LAMA2: variants seen among roughly 807,000 people sequenced by gnomAD.
LAMA2 encodes laminin subunit alpha-2.
Under a neutral mutation model 364.8 loss-of-function variants are expected in LAMA2, and 269 were observed. The ratio of observed to expected loss-of-function variants is 0.74; its 90% CI spans 0.67 to 0.82. The LOEUF (loss-of-function observed/expected upper bound fraction) is 0.82, where lower values mean the gene tolerates loss of function less well. Among genes scored for constraint, LAMA2 ranks in the 40% least tolerant of loss-of-function variants. The pLI, the probability that LAMA2 is intolerant of heterozygous loss-of-function variation, is 0.00. For missense variants in LAMA2, 3,807 were observed against 3,873.2 expected (o/e 0.98, Z 0.45); for synonymous variants, 1,379 against 1,370.6 (o/e 1.01, Z -0.14).
At chr6:129,474,889 C>A (rs1200801287) in intron 52 of LAMA2, among the ~76,000 whole-genome samples, 1 of 152,066 alleles carries the variant, frequency 6.6e-6, no homozygotes, top group Non-Finnish European at 1.5e-5. Context: ...TCAAAACAGC[C>A]ATTAGAGGTA....
intron 1 of LAMA2, among the ~76,000 whole-genome samples, chr6:128,977,168 C>CT (rs1290591926): frequency 6.6e-6 from 1 of 151,496 alleles, no homozygotes; most frequent in Non-Finnish European, 1.5e-5. Context: ...GCCACCTCTT[C>CT]TTAATACATA....
Position 129,252,081 on chromosome 6 carries a change from T to C in LAMA2, c.1885-3T>C. On this transcript the variant is annotated splice_polypyrimidine_tract_variant and splice_region_variant and intron_variant, in intron 13 of 64. Transcript: ENST00000421865. The stretch of plus-strand genomic sequence containing the variant: ...TTTTTATTTCTTTTTTTTCCCCCTT[T>C]AGGGTAATGACTTGAGCATCAGCAC... The C allele has an allele frequency of 2.5e-6, 4 of 1,607,206 alleles. No individual in the cohort carries two copies. Among genetic ancestry groups the C allele is most frequent in the Non-Finnish European group, 3.4e-6 (4 of 1,174,194 alleles).
intron 8 of LAMA2, among the ~76,000 whole-genome samples, chr6:129,163,185 C>T (rs966714565): frequency 6.6e-5 from 10 of 152,014 alleles, no homozygotes; most frequent in Non-Finnish European, 1.5e-4. Context: ...TTCTAGGACT[C>T]CAGCTGCATG....
At chr6:129,117,669 C>G (rs1776554656) in intron 4 of LAMA2, among the ~76,000 whole-genome samples, 1 of 152,170 alleles carries the variant, frequency 6.6e-6, no homozygotes, top group African/African-American at 2.4e-5. Context: ...TTCTAGCATA[C>G]AGTTTGAGTG....
intron 56 of LAMA2, among the ~76,000 whole-genome samples, chr6:129,491,574 G>A (rs73776184): frequency 0.024 from 3,640 of 152,262 alleles, 80 homozygotes; most frequent in African/African-American, 0.057. Context: ...ACCCTTATAC[G>A]GTTAGACATT....
intron 4 of LAMA2, among the ~76,000 whole-genome samples, chr6:129,137,850 A>G (rs917846446): frequency 2.6e-5 from 4 of 152,244 alleles, no homozygotes; most frequent in Non-Finnish European, 5.9e-5. Context: ...AAGAAAATGT[A>G]TAACCTCATT....
intron 41 of LAMA2, among the ~76,000 whole-genome samples, chr6:129,437,529 TG>T: frequency 6.6e-6 from 1 of 152,060 alleles, no homozygotes; most frequent in South Asian, 2.1e-4. Flanking sequence ...TGTATTTACA[TG>T]TTGCATTTCT....
At chr6:129,224,627 G>C (rs939426439) in intron 12 of LAMA2, among the ~76,000 whole-genome samples, 1 of 151,566 alleles carries the variant, frequency 6.6e-6, no homozygotes, top group Non-Finnish European at 1.5e-5. Flanking sequence ...TTTATATGCT[G>C]GATTACGTTT....
intron 1 of LAMA2, among the ~76,000 whole-genome samples, chr6:128,982,220 T>C (rs994849900): frequency 2.6e-5 from 4 of 152,228 alleles, no homozygotes; most frequent in Non-Finnish European, 4.4e-5. Flanking sequence ...GAGATAAAAC[T>C]AACCTGCATT....
chr6:129,424,682 C>G (rs1378565258), intron 40 of LAMA2, among the ~76,000 whole-genome samples: 1 of 151,918 alleles, frequency 6.6e-6, no homozygotes, highest in African/African-American at 2.4e-5. Context: ...GTTAGAATGT[C>G]TAAAATTTTA....
At chr6:129,355,549 T>A (rs1186802596) in intron 32 of LAMA2, among the ~76,000 whole-genome samples, 2 of 152,174 alleles carry the variant, frequency 1.3e-5, no homozygotes, top group Non-Finnish European at 2.9e-5. Context: ...GGGTGTTTGA[T>A]CTGCAGGACC....
intron 15 of LAMA2, among the ~76,000 whole-genome samples, chr6:129,263,733 G>T (rs991393079): frequency 2.0e-5 from 3 of 151,920 alleles, no homozygotes; most frequent in Non-Finnish European, 4.4e-5. Context: ...TACATTTTTG[G>T]GTTTTGGGGT....
chr6:128,923,761 T>C (rs898751532), intron 1 of LAMA2, among the ~76,000 whole-genome samples: 15 of 152,146 alleles, frequency 9.9e-5, no homozygotes, highest in African/African-American at 3.4e-4. Flanking sequence ...CCCCAAATCT[T>C]AAAATCTTAG....
In LAMA2 at chr6:129,516,304, T is replaced by TGGAACTGAGGGGCGTTCAACCTGTA. The variant is rs1787071311; in HGVS notation, c.9327_9351dup (p.Ser3118GlyfsTer32). On this transcript the variant is annotated frameshift_variant, in exon 65 of 65. Transcript: ENST00000421865. LOFTEE classifies it high-confidence loss of function. ...CTGGAGGTTAATTTTGCCAAGGCCCTGGAACTGAGGGGCGTTCAACCTGTA... is the reference window on the plus strand; with the variant it reads ...CTGGAGGTTAATTTTGCCAAGGCCCTGGAACTGAGGGGCGTTCAACCTGTAGGAACTGAGGGGCGTTCAACCTGTA... The TGGAACTGAGGGGCGTTCAACCTGTA allele has an allele frequency of 1.9e-6, 3 of 1,614,110 alleles. No individual in the cohort carries two copies. In the East Asian group the frequency reaches 6.7e-5, roughly 36 times the overall value.
intron 14 of LAMA2, among the ~76,000 whole-genome samples, chr6:129,259,102 A>G (rs1313490159): frequency 6.6e-6 from 1 of 152,116 alleles, no homozygotes; most frequent in Non-Finnish European, 1.5e-5. Flanking sequence ...CTGATCATAT[A>G]TGAGCTCATA....
At chr6:129,464,217 A>G in intron 49 of LAMA2, 73 bp from the exon 50 acceptor site, 1 of 1,286,736 alleles carries the variant, frequency 7.8e-7, no homozygotes, top group Non-Finnish European at 1.1e-6. Flanking sequence ...TCTCATTGCT[A>G]TTCAGTGATG....
chr6:129,340,254 G>A (rs1002989887), intron 29 of LAMA2, among the ~76,000 whole-genome samples: 6 of 152,050 alleles, frequency 3.9e-5, no homozygotes, highest in Admixed American at 2.6e-4. Context: ...AAAGCTTATC[G>A]AAAATAGGAT....
chr6:129,472,065 T>C (rs1393837640), intron 51 of LAMA2, among the ~76,000 whole-genome samples: 1 of 151,984 alleles, frequency 6.6e-6, no homozygotes, highest in East Asian at 1.9e-4. Context: ...CTTTTTGCTC[T>C]ATGTCCTTCT....
At chr6:129,092,142 C>T (rs1216279230) in intron 3 of LAMA2, among the ~76,000 whole-genome samples, 4 of 152,196 alleles carry the variant, frequency 2.6e-5, no homozygotes, top group African/African-American at 9.7e-5. Context: ...GTACTTTAGG[C>T]CATGACCTCC....
Sources: gnomAD v4.1 joint callset for allele counts (sites outside exome capture counted in the v4.1 genomes callset) on GRCh38, gnomAD v4.1.1 for gene constraint, MANE v1.5 for transcripts, NCBI Gene and HGNC (gene_info 2026-07-23, HGNC 2026-07-21) for gene names.